Variants in RBFOX1 observed in about 807,000 individuals in gnomAD.
The protein encoded by RBFOX1 is RNA binding protein fox-1 homolog 1.
RBFOX1 carries 8 observed loss-of-function variants against 57.7 expected under a neutral mutation model. That is an observed-to-expected ratio of 0.14 (90% CI 0.08 to 0.25). The LOEUF is 0.25. Ranked by LOEUF, RBFOX1 falls within the 10% of genes least tolerant of loss-of-function variation. The probability of loss-of-function intolerance (pLI) is 1.00; values close to 1 mark genes in which losing one functional copy is unlikely to be tolerated. For synonymous variants in RBFOX1, 326 were observed against 222.4 expected, an observed-to-expected ratio of 1.47 and a Z score of -4.15; for missense variants, 611 against 548.5, an observed-to-expected ratio of 1.11 and a Z score of -1.14.
chr16:6,136,782 A>T (rs138993135), intron 1 of RBFOX1, among the ~76,000 whole-genome samples: 12 of 152,322 alleles, frequency 7.9e-5, no homozygotes, highest in African/African-American at 2.9e-4. Flanking sequence ...GGCTTTCCAT[A>T]CACAGAGAAG....
intron 1 of RBFOX1, among the ~76,000 whole-genome samples, chr16:5,335,205 C>CT (rs1555493279): frequency 3.7e-4 from 2 of 5,334 alleles, no homozygotes; most frequent in African/African-American, 4.0e-4. Context: ...AAATTGGGTT[C>CT]TTTATCTTTT....
intron 3 of RBFOX1, among the ~76,000 whole-genome samples, chr16:6,879,976 A>C (rs992356709): frequency 6.6e-6 from 1 of 152,030 alleles, no homozygotes; most frequent in Non-Finnish European, 1.5e-5. Context: ...CTACTTCTTT[A>C]TTTGTTAATC....
At chr16:7,203,197 A>C (rs2089080307) in intron 4 of RBFOX1, among the ~76,000 whole-genome samples, 1 of 152,232 alleles carries the variant, frequency 6.6e-6, no homozygotes, top group Admixed American at 6.5e-5. Context: ...CGCACAATGG[A>C]ATATTATTCA....
intron 4 of RBFOX1, among the ~76,000 whole-genome samples, chr16:5,913,951 G>GAGGA (rs2152214964): frequency 6.6e-6 from 1 of 152,236 alleles, no homozygotes; most frequent in East Asian, 1.9e-4. Context: ...ATTCCGTCAT[G>GAGGA]AGGACATCAA....
At chr16:7,510,272 C>G in intron 4 of RBFOX1, 1 of 985,866 alleles carries the variant, frequency 1.0e-6, no homozygotes, top group Non-Finnish European at 1.2e-6. Context: ...AGAACAGCTG[C>G]TAAGTTTATG....
intron 1 of RBFOX1, among the ~76,000 whole-genome samples, chr16:5,261,922 T>C (rs1447639774): frequency 6.6e-6 from 1 of 152,192 alleles, no homozygotes; most frequent in African/African-American, 2.4e-5. Flanking sequence ...CCCAGTAGTT[T>C]CTTCATGAAG....
intron 12 of RBFOX1, 39 bp from the exon 13 acceptor site, chr16:7,664,890 C>G (rs545324221): frequency 6.2e-7 from 1 of 1,613,862 alleles, no homozygotes; most frequent in South Asian, 1.1e-5. Flanking sequence ...GGGAAATGCA[C>G]TAATATGGAT....
At chr16:5,937,673 TATAG>T (rs1286430025) in intron 4 of RBFOX1, among the ~76,000 whole-genome samples, 12 of 149,886 alleles carry the variant, frequency 8.0e-5, no homozygotes, top group Non-Finnish European at 1.8e-4. Context: ...CTTTATAATA[TATAG>T]TTATATGGTT....
chr16:6,988,131 C>T lies in RBFOX1; in HGVS notation c.-15-63926C>T, dbSNP rs556949849. On this transcript the variant is annotated intron_variant, in intron 3 of 15. Transcript: ENST00000550418. Reference sequence around the variant, plus strand: ...AGAGAGCACTGAGAACATAGGAATACATAAAAAAGAAAACGCATTTCAAAG... The same window carrying T: ...AGAGAGCACTGAGAACATAGGAATATATAAAAAAGAAAACGCATTTCAAAG... Among the ~76,000 whole-genome samples, 5 of 152,198 alleles carry T rather than the reference C, an allele frequency of 3.3e-5. No homozygotes were observed. In the South Asian group the frequency reaches 1.0e-3, roughly 32 times the overall value.
chr16:5,375,794 G>A (rs893700368), intron 1 of RBFOX1, among the ~76,000 whole-genome samples: 5 of 152,174 alleles, frequency 3.3e-5, no homozygotes, highest in Non-Finnish European at 1.5e-5. Flanking sequence ...CATGCTAAGC[G>A]CTTTAATATA....
intron 3 of RBFOX1, among the ~76,000 whole-genome samples, chr16:5,858,495 C>T (rs1459539773): frequency 6.6e-6 from 1 of 152,172 alleles, no homozygotes; most frequent in Non-Finnish European, 1.5e-5. Flanking sequence ...CCTCCCTCCC[C>T]TGTGACTTTT....
chr16:6,229,186 A>C (rs2097439518), intron 1 of RBFOX1, among the ~76,000 whole-genome samples: 1 of 152,124 alleles, frequency 6.6e-6, no homozygotes, highest in Non-Finnish European at 1.5e-5. Flanking sequence ...GTCATTCTGT[A>C]GTCTGAAAGG....
At chr16:6,879,834 C>T (rs1360590478) in intron 3 of RBFOX1, among the ~76,000 whole-genome samples, 1 of 152,152 alleles carries the variant, frequency 6.6e-6, no homozygotes, top group Non-Finnish European at 1.5e-5. Flanking sequence ...GTTAAATTTA[C>T]AAAGAGGTTT....
intron 2 of RBFOX1, among the ~76,000 whole-genome samples, chr16:5,571,495 C>T (rs927389201): frequency 1.3e-5 from 2 of 152,062 alleles, no homozygotes; most frequent in African/African-American, 4.8e-5. Context: ...GAGCCAAAGG[C>T]CTGAGGGTCG....
At chr16:7,267,706 A>G (rs998816315) in intron 4 of RBFOX1, among the ~76,000 whole-genome samples, 1 of 151,898 alleles carries the variant, frequency 6.6e-6, no homozygotes, top group Admixed American at 6.6e-5. Flanking sequence ...AATACAAAAA[A>G]TTAACTGGTT....
At chr16:5,248,895 C>T (rs746191255) in intron 1 of RBFOX1, among the ~76,000 whole-genome samples, 3 of 142,626 alleles carry the variant, frequency 2.1e-5, no homozygotes, top group Non-Finnish European at 3.0e-5. Flanking sequence ...AGCTGAGCCA[C>T]GTGAATTGCT....
rs766444397 is a variant in RBFOX1 at position 6,993,763 on chromosome 16, A to G, written c.-15-58294A>G. ...CAGCTCCATGGGCATGGGGCAGGGGAGATCATAAATCTGCCATCCTGGAGC... is the reference window on the plus strand; with the variant it reads ...CAGCTCCATGGGCATGGGGCAGGGGGGATCATAAATCTGCCATCCTGGAGC... On this transcript the variant is annotated intron_variant, in intron 3 of 15. Transcript: ENST00000550418. 1.5e-3 allele frequency among the ~76,000 whole-genome samples: 231 copies of G among 152,222 alleles called. 2 individuals carry two copies. Among genetic ancestry groups the G allele is most frequent in the Non-Finnish European group, 2.9e-3 (196 of 68,006 alleles).
At chr16:6,055,127 A>C (rs1396402734) in intron 1 of RBFOX1, among the ~76,000 whole-genome samples, 1 of 152,090 alleles carries the variant, frequency 6.6e-6, no homozygotes, top group Non-Finnish European at 1.5e-5. Flanking sequence ...TTGGGATGCA[A>C]AACTTATCCT....
At chr16:5,417,316 G>A (rs2151477437) in intron 1 of RBFOX1, among the ~76,000 whole-genome samples, 1 of 152,328 alleles carries the variant, frequency 6.6e-6, no homozygotes. Flanking sequence ...GTTCCACAGT[G>A]AAAACAGGCT....
Sources: allele counts gnomAD v4.1 joint callset (sites outside exome capture counted in the v4.1 genomes callset), GRCh38; gene constraint gnomAD v4.1.1; transcripts MANE v1.5; gene names NCBI Gene and HGNC (gene_info 2026-07-23, HGNC 2026-07-21).